METTL23: variants seen among roughly 807,000 people sequenced by gnomAD.
The protein encoded by METTL23 is methyltransferase 23, arginine, also known as histone-arginine methyltransferase METTL23.
In METTL23, 24 loss-of-function variants were observed where a neutral mutation model predicts 21.2. The observed-to-expected ratio is 1.13, with a 90% CI of 0.82 to 1.59. METTL23 has a LOEUF of 1.59. Among genes scored for constraint, METTL23 ranks in the 40% most tolerant of loss-of-function variants. METTL23 has a pLI of 0.00. For synonymous variants in METTL23, 97 were observed against 75.2 expected (o/e 1.29, Z -1.50); for missense variants, 276 against 221.4 (o/e 1.25, Z -1.57).
At chr17:76,728,680 G>A (rs1044505619) in intron 1 of METTL23, among the ~76,000 whole-genome samples, 2 of 152,008 alleles carry the variant, frequency 1.3e-5, no homozygotes, top group Non-Finnish European at 2.9e-5. Flanking sequence ...CAAAGTGCTG[G>A]GATTACAGGT....
rs763370260 is a variant in METTL23 at position 76,733,508 on chromosome 17, T to G, written c.408-13T>G. Reference sequence around the variant, plus strand: ...AAGGCATGACTTTAAAAGAACAACTTTTTTTTTTTAAGTGCTGACTGGTCA... The same window carrying G: ...AAGGCATGACTTTAAAAGAACAACTGTTTTTTTTTAAGTGCTGACTGGTCA... On this transcript the variant is annotated splice_polypyrimidine_tract_variant and intron_variant, in intron 4 of 4. Coordinates refer to ENST00000341249, the MANE Select transcript of METTL23 (RefSeq NM_001080510.5). 6.3e-7 allele frequency: 1 copy of G among 1,577,722 alleles called. No individual in the cohort carries two copies. The highest frequency in any genetic ancestry group is 8.6e-7 in the Non-Finnish European group (1 of 1,159,756).
At position 76,733,041 on chromosome 17, in the gene METTL23, TCAGA is replaced by T. The variant is rs2077296036; in HGVS notation, c.152_155del (p.Asp51AlafsTer17). The T allele has an allele frequency of 1.2e-6, 2 of 1,601,624 alleles. No homozygotes were observed. Among genetic ancestry groups the T allele is most frequent in the South Asian group, 1.1e-5 (1 of 89,172 alleles). ...CAAATGTGGTGCAGAAGTAATACTG[TCAGA>T]CAGCTCAGAACTGCCTCACTGTCTG... On this transcript the variant is annotated frameshift_variant, in exon 3 of 5. Coordinates refer to ENST00000341249, the MANE Select transcript of METTL23 (RefSeq NM_001080510.5). LOFTEE classifies it high-confidence loss of function.
At position 76,733,053 on chromosome 17, in the gene METTL23, G is replaced by C. The variant is rs755568109; in HGVS notation, c.160G>C (p.Glu54Gln). The change falls in exon 3 of 5, where the codon GAA (glutamate) becomes CAA (glutamine). Residue 54 changes from glutamate (E) to glutamine (Q), a missense_variant. Physicochemically the swap from Glu to Gln is conservative, Grantham distance 29 (BLOSUM62 2). Transcript: ENST00000341249. Reference protein sequence around the residue: ...GAEVILSDSSELPHCLEVCRQ... With the variant: ...GAEVILSDSSQLPHCLEVCRQ... Reference sequence around the variant, plus strand: ...AGAAGTAATACTGTCAGACAGCTCAGAACTGCCTCACTGTCTGGAAGTCTG... The same window carrying C: ...AGAAGTAATACTGTCAGACAGCTCACAACTGCCTCACTGTCTGGAAGTCTG... The C allele has an allele frequency of 1.2e-6, 2 of 1,605,390 alleles. No homozygotes were observed. Among genetic ancestry groups the C allele is most frequent in the Non-Finnish European group, 1.7e-6 (2 of 1,175,512 alleles).
rs1174158401 is a variant in METTL23 at position 76,726,872 on chromosome 17, C to G, written c.-328C>G. On this transcript the variant is annotated 5_prime_UTR_variant, in exon 1 of 5. Coordinates refer to ENST00000341249, the MANE Select transcript of METTL23 (RefSeq NM_001080510.5). ...TCGCGCCAGCCGCCCGTTGCCAGTT[C>G]TGCGCGTGTGAGTCTCTTTCGCCTT... is the stretch of plus-strand genomic sequence containing the variant. The G allele has an allele frequency of 2.3e-6, 1 of 438,250 alleles. No individual in the cohort carries two copies. Among genetic ancestry groups the G allele is most frequent in the Non-Finnish European group, 4.7e-6 (1 of 213,746 alleles). 27.1% of individuals were successfully genotyped at this position (438,250 alleles called of 1,614,324 possible). A position where few individuals can be genotyped will look rare whatever the true frequency, so the allele number is the denominator to read the frequency against.
chr17:76,731,955 A>T (rs1208148092), intron 2 of METTL23, among the ~76,000 whole-genome samples: 1 of 152,248 alleles, frequency 6.6e-6, no homozygotes, highest in Non-Finnish European at 1.5e-5. Context: ...TCTGCAAAGC[A>T]TCTTGCCGCT....
At chr17:76,726,805 GCCCCT>G (rs901419452), upstream of METTL23, 63 of 161,226 alleles carry the variant, frequency 3.9e-4, no homozygotes, top group South Asian at 6.6e-4. Flanking sequence ...GCCCCGCCCC[GCCCCT>G]CCCCTCCCGC....
In METTL23 at chr17:76,727,162, A is replaced by C. The variant is rs2076975676; in HGVS notation, c.-38A>C. 1 of 436,420 alleles carries C rather than the reference A, an allele frequency of 2.3e-6. No individual in the cohort carries two copies. Among genetic ancestry groups the C allele is most frequent in the Non-Finnish European group, 4.6e-6 (1 of 216,826 alleles). 27.0% of individuals were successfully genotyped at this position (436,420 alleles called of 1,614,324 possible). On this transcript the variant is annotated 5_prime_UTR_variant, in exon 1 of 5. Transcript: ENST00000341249. ...CCGGGGGCCGACGGGGCTGTCCTGG[A>C]GGTCCACGTCCCGCAGGTGCGTGCA...
chr17:76,732,042 CAACTATAG>C (rs1478247754), intron 2 of METTL23, among the ~76,000 whole-genome samples: 1 of 152,194 alleles, frequency 6.6e-6, no homozygotes, highest in Non-Finnish European at 1.5e-5. Flanking sequence ...GAAAAGCAAT[CAACTATAG>C]AACATGCTAA....
At chr17:76,729,160 G>A (rs1057501335) in intron 1 of METTL23, among the ~76,000 whole-genome samples, 5 of 150,086 alleles carry the variant, frequency 3.3e-5, no homozygotes, top group Admixed American at 1.3e-4. Context: ...GCGCAGTCTC[G>A]GCTCACTGCA....
intron 2 of METTL23, 43 bp downstream of exon 2, chr17:76,729,837 A>G (rs1233022721): frequency 2.8e-6 from 4 of 1,416,018 alleles, no homozygotes; most frequent in Non-Finnish European, 3.9e-6. Flanking sequence ...GGTTATGTTC[A>G]GATGTGTTAA....
chr17:76,727,756 T>A (rs1469640897), intron 1 of METTL23, among the ~76,000 whole-genome samples: 3 of 152,222 alleles, frequency 2.0e-5, no homozygotes, highest in Non-Finnish European at 4.4e-5. Flanking sequence ...TTTGAGACAC[T>A]GTCTCGCTCT....
intron 2 of METTL23, among the ~76,000 whole-genome samples, chr17:76,731,113 A>G (rs2077189028): frequency 6.6e-6 from 1 of 151,950 alleles, no homozygotes; most frequent in South Asian, 2.1e-4. Context: ...TCTCAAAAAA[A>G]AAAAAGATAA....
chr17:76,727,223 G>A (rs2076979600), intron 1 of METTL23, 45 bp downstream of exon 1: 3 of 361,282 alleles, frequency 8.3e-6, no homozygotes, highest in Non-Finnish European at 1.1e-5. Flanking sequence ...GGTCAGGAGC[G>A]GATGTCGGCT....
intron 1 of METTL23, among the ~76,000 whole-genome samples, chr17:76,729,099 AT>A (rs1007747736): frequency 3.6e-5 from 4 of 111,812 alleles, no homozygotes; most frequent in Admixed American, 1.8e-4. Flanking sequence ...ACGCCCGGCC[AT>A]TTTTTTTTGA....
At chr17:76,727,622 T>G (rs565856387) in intron 1 of METTL23, among the ~76,000 whole-genome samples, 94 of 152,386 alleles carry the variant, frequency 6.2e-4, no homozygotes, top group Admixed American at 1.0e-3. Flanking sequence ...TTGTGTGAGT[T>G]TTGGGATCAG....
At chr17:76,728,619 CA>C (rs2077066947) in intron 1 of METTL23, among the ~76,000 whole-genome samples, 1 of 151,774 alleles carries the variant, frequency 6.6e-6, no homozygotes, top group South Asian at 2.1e-4. Context: ...CCATGTTGGC[CA>C]AGCTGATCTT....
intron 1 of METTL23, 51 bp downstream of exon 1, chr17:76,727,229 C>G (rs1015928453): frequency 1.7e-5 from 6 of 357,590 alleles, no homozygotes; most frequent in African/African-American, 1.3e-4. Context: ...GAGCGGATGT[C>G]GGCTGACTTG....
intron 1 of METTL23, among the ~76,000 whole-genome samples, chr17:76,729,137 C>G (rs2077091562): frequency 6.6e-6 from 1 of 151,028 alleles, no homozygotes; most frequent in Non-Finnish European, 1.5e-5. Flanking sequence ...GTTGCCCAGG[C>G]TGGAGTGCAG....
chr17:76,726,787 ACCGCCCCGCC>A (rs541914921), upstream of METTL23: 22 of 399,766 alleles, frequency 5.5e-5, 1 homozygote, highest in East Asian at 2.3e-4. Flanking sequence ...CGGCTGCGTC[ACCGCCCCGCC>A]CCGCCCCGCC....
Sources: allele counts gnomAD v4.1 joint callset (sites outside exome capture counted in the v4.1 genomes callset), GRCh38; gene constraint gnomAD v4.1.1; transcripts MANE v1.5; gene names NCBI Gene and HGNC (gene_info 2026-07-23, HGNC 2026-07-21).